PPM1H: variants seen among roughly 807,000 people sequenced by gnomAD.
PPM1H encodes the protein protein phosphatase, Mg2+/Mn2+ dependent 1H.
In PPM1H, 27 loss-of-function variants were observed where a neutral mutation model predicts 54.9. The observed-to-expected ratio is 0.49, with a 90% CI of 0.36 to 0.68. PPM1H has a LOEUF of 0.68. Ranked by LOEUF, PPM1H falls within the 30% of genes least tolerant of loss-of-function variation. PPM1H has a pLI of 0.00. For synonymous variants in PPM1H, 305 were observed against 270.8 expected (o/e 1.13, Z -1.24); for missense variants, 596 against 667.8 (o/e 0.89, Z 1.19).
intron 2 of PPM1H, among the ~76,000 whole-genome samples, chr12:62,808,513 A>T (rs2076818509): frequency 6.6e-6 from 1 of 152,100 alleles, no homozygotes; most frequent in South Asian, 2.1e-4. Context: ...TGAGTCTAAC[A>T]GCCTGCTCTG....
chr12:62,890,704 TCGTGTGTGTGTATACACACA>T (rs1193056203), intron 1 of PPM1H, among the ~76,000 whole-genome samples: 3 of 140,380 alleles, frequency 2.1e-5, no homozygotes, highest in Non-Finnish European at 3.0e-5. Flanking sequence ...TAATATCATT[TCGTGTGTGTGTATACACACA>T]CACACACACA....
intron 4 of PPM1H, among the ~76,000 whole-genome samples, chr12:62,787,830 A>G (rs1266442835): frequency 6.6e-6 from 1 of 152,178 alleles, no homozygotes; most frequent in African/African-American, 2.4e-5. Flanking sequence ...TCTGGGAGAG[A>G]ACAGTGCAAA....
intron 9 of PPM1H, among the ~76,000 whole-genome samples, chr12:62,665,411 G>A (rs2075912349): frequency 2.0e-5 from 3 of 152,104 alleles, no homozygotes; most frequent in Admixed American, 2.0e-4. Context: ...TGAATCTTAG[G>A]TTTAGTATTG....
chr12:62,685,878 C>T (rs1348583674), intron 8 of PPM1H, among the ~76,000 whole-genome samples: 1 of 151,000 alleles, frequency 6.6e-6, no homozygotes, highest in Non-Finnish European at 1.5e-5. Flanking sequence ...TATATCCCAT[C>T]GATATACATA....
Position 62,894,315 on chromosome 12 carries a change from A to C in PPM1H, c.245+40177T>G, listed in dbSNP as rs185695233. On this transcript the variant is annotated intron_variant, in intron 1 of 9. Coordinates refer to ENST00000228705, the MANE Select transcript of PPM1H (RefSeq NM_020700.2). ...AGGGCTTTTTATAGGGGTGACAGCA[A>C]AGGAAGAGTTGGGATAAAAGGCAAG... 1.5e-4 allele frequency among the ~76,000 whole-genome samples: 23 copies of C among 152,326 alleles called. No homozygotes were observed. In the East Asian group the frequency reaches 4.4e-3, roughly 29 times the overall value.
At position 62,769,606 on chromosome 12, in the gene PPM1H, T is replaced by C. The variant is rs1049765497; in HGVS notation, c.869+18620A>G. ...GGGCAAAGGCAATTTGTGAAAAGCATGGCATTGAAAATACCATACTGAACA... is the reference window on the plus strand; with the variant it reads ...GGGCAAAGGCAATTTGTGAAAAGCACGGCATTGAAAATACCATACTGAACA... On this transcript the variant is annotated intron_variant, in intron 4 of 9. Coordinates refer to ENST00000228705, the MANE Select transcript of PPM1H (RefSeq NM_020700.2). Among the ~76,000 whole-genome samples the C allele has an allele frequency of 3.9e-5, 6 of 152,350 alleles. 1 individual carries two copies. The Middle Eastern group carries it at 0.014, about 345-fold the overall frequency.
chr12:62,715,426 T>C (rs2076229594), intron 6 of PPM1H, among the ~76,000 whole-genome samples: 1 of 150,714 alleles, frequency 6.6e-6, no homozygotes, highest in East Asian at 2.0e-4. Context: ...CTAGCCACTG[T>C]GCAAACTATC....
At chr12:62,756,295 GA>G in intron 4 of PPM1H, 1 of 606,596 alleles carries the variant, frequency 1.6e-6, no homozygotes, top group Non-Finnish European at 3.1e-6. Flanking sequence ...TCACTGCTGG[GA>G]AGTCCCTGCC....
chr12:62,896,480 C>G lies in PPM1H; in HGVS notation c.245+38012G>C, dbSNP rs542802955. Reference sequence around the variant, plus strand: ...TTCTCAAAAGAAGACATTTATGCAGCCAACAGACATATGAAAAAATGCTCA... The same window carrying G: ...TTCTCAAAAGAAGACATTTATGCAGGCAACAGACATATGAAAAAATGCTCA... On this transcript the variant is annotated intron_variant, in intron 1 of 9. Transcript: ENST00000228705. Among the ~76,000 whole-genome samples the G allele has an allele frequency of 1.4e-4, 22 of 152,250 alleles. 1 individual carries two copies. In the South Asian group the frequency reaches 4.6e-3, roughly 32 times the overall value.
chr12:62,705,652 A>T (rs1311337713), intron 6 of PPM1H, among the ~76,000 whole-genome samples: 1 of 152,230 alleles, frequency 6.6e-6, no homozygotes, highest in East Asian at 1.9e-4. Flanking sequence ...CTTGGTGTGC[A>T]TTCACACTTG....
intron 2 of PPM1H, among the ~76,000 whole-genome samples, chr12:62,803,186 C>T (rs1033275632): frequency 6.6e-6 from 1 of 152,196 alleles, no homozygotes; most frequent in Non-Finnish European, 1.5e-5. Context: ...CACTCTCGGT[C>T]TCTCCATTCC....
At chr12:62,830,306 A>C (rs1868336639) in intron 2 of PPM1H, among the ~76,000 whole-genome samples, 1 of 151,972 alleles carries the variant, frequency 6.6e-6, no homozygotes, top group African/African-American at 2.4e-5. Flanking sequence ...CCCAGGCTGG[A>C]GTGCAGTGGC....
chr12:62,659,290 A>AAAAAAAAAAAAAAAAAAAAAAAG, intron 9 of PPM1H: 1 of 482,060 alleles, frequency 2.1e-6, no homozygotes, highest in South Asian at 2.4e-5. Flanking sequence ...AAAAAAAAAA[A>AAAAAAAAAAAAAAAAAAAAAAAG]AGAGAAAAAC....
At chr12:62,868,441 G>C (rs1869861327) in intron 1 of PPM1H, among the ~76,000 whole-genome samples, 1 of 152,128 alleles carries the variant, frequency 6.6e-6, no homozygotes, top group African/African-American at 2.4e-5. Context: ...CTGGGTTAAA[G>C]AGCAGCAGAT....
At chr12:62,800,292 T>C (rs2076759334) in intron 3 of PPM1H, among the ~76,000 whole-genome samples, 1 of 152,116 alleles carries the variant, frequency 6.6e-6, no homozygotes, top group African/African-American at 2.4e-5. Context: ...TTTGACTTCA[T>C]TTAACAGCTT....
At chr12:62,697,218 C>T in intron 6 of PPM1H, among the ~76,000 whole-genome samples, 1 of 151,602 alleles carries the variant, frequency 6.6e-6, no homozygotes, top group Non-Finnish European at 1.5e-5. Context: ...CTTCTGCCTC[C>T]CAGGTCCAAG....
At chr12:62,805,302 G>A (rs2120760349) in intron 2 of PPM1H, among the ~76,000 whole-genome samples, 1 of 152,226 alleles carries the variant, frequency 6.6e-6, no homozygotes, top group South Asian at 2.1e-4. Flanking sequence ...ACAGTATGGA[G>A]GTTCCTCAAA....
chr12:62,824,239 T>G (rs978689120), intron 2 of PPM1H, among the ~76,000 whole-genome samples: 3 of 151,936 alleles, frequency 2.0e-5, no homozygotes, highest in African/African-American at 7.3e-5. Context: ...CACTGCTCAA[T>G]GAAATAAAAG....
chr12:62,819,116 C>T (rs1321143991), intron 2 of PPM1H, among the ~76,000 whole-genome samples: 1 of 145,510 alleles, frequency 6.9e-6, no homozygotes, highest in Non-Finnish European at 1.5e-5. Flanking sequence ...GCCACTGCGC[C>T]GGCCAAAACA....
Sources: gnomAD v4.1 joint callset for allele counts (sites outside exome capture counted in the v4.1 genomes callset) on GRCh38, gnomAD v4.1.1 for gene constraint, MANE v1.5 for transcripts, NCBI Gene and HGNC (gene_info 2026-07-23, HGNC 2026-07-21) for gene names.